SPPL2B: variants seen among roughly 807,000 people sequenced by gnomAD.
The protein encoded by SPPL2B is signal peptide peptidase like 2B.
Under a neutral mutation model 59.7 loss-of-function variants are expected in SPPL2B, and 39 were observed. The ratio of observed to expected loss-of-function variants is 0.65; its 90% confidence interval spans 0.51 to 0.85. The LOEUF (loss-of-function observed/expected upper bound fraction) is 0.85, where lower values mean the gene tolerates loss of function less well. Ranked by LOEUF, SPPL2B falls within the 40% of genes least tolerant of loss-of-function variation. SPPL2B has a pLI of 0.00. For missense variants in SPPL2B, 865 were observed against 849.0 expected, an observed-to-expected ratio of 1.02 and a Z score of -0.23; for synonymous variants, 419 against 370.8, an observed-to-expected ratio of 1.13 and a Z score of -1.49.
chr19:2,335,598 CCT>C (rs564719066), intron 2 of SPPL2B, among the ~76,000 whole-genome samples: 47 of 150,902 alleles, frequency 3.1e-4, no homozygotes, highest in African/African-American at 9.8e-4. Context: ...CCACCACACC[CCT>C]CTGTCCCTGC....
chr19:2,350,365 TTC>T (rs145535076), intron 13 of SPPL2B, among the ~76,000 whole-genome samples: 68 of 135,850 alleles, frequency 5.0e-4, no homozygotes, highest in African/African-American at 1.4e-3. Flanking sequence ...CTTGATTCCG[TTC>T]TCTCTCTCCA....
At chr19:2,350,499 A>C (rs891234762) in intron 13 of SPPL2B, among the ~76,000 whole-genome samples, 1 of 139,338 alleles carries the variant, frequency 7.2e-6, no homozygotes, top group South Asian at 2.4e-4. Context: ...GCTTGATTCC[A>C]TTCTCTCTCT....
At chr19:2,352,905 G>GTCCCTGTCTCCGCCTCACCTCTGCC in intron 14 of SPPL2B, 41 bp from the exon 15 acceptor site, 1 of 1,608,716 alleles carries the variant, frequency 6.2e-7, no homozygotes. Context: ...CCTCCTCTGG[G>GTCCCTGTCTCCGCCTCACCTCTGCC]TCCCTGTCTC....
intron 2 of SPPL2B, 50 bp downstream of exon 2, chr19:2,334,771 C>T (rs377308845): frequency 1.5e-5 from 22 of 1,473,096 alleles, no homozygotes; most frequent in East Asian, 2.6e-5. Context: ...GCGGGGGCCC[C>T]GGGGCTCTAG....
intron 5 of SPPL2B, 86 bp from the exon 6 acceptor site, chr19:2,339,738 C>T: frequency 6.6e-7 from 1 of 1,505,762 alleles, no homozygotes; most frequent in South Asian, 1.2e-5. Context: ...GGTTTTCTGC[C>T]CCGTTCCCCC....
chr19:2,345,184 C>T (rs952244460), intron 12 of SPPL2B, 69 bp from the exon 13 acceptor site: 182 of 1,409,332 alleles, frequency 1.3e-4, no homozygotes, highest in Non-Finnish European at 1.7e-4. Context: ...GGTGCCCGCC[C>T]GCTCCCAGGA....
intron 7 of SPPL2B, 79 bp downstream of exon 7, chr19:2,340,251 C>G (rs1968947700): frequency 1.8e-6 from 2 of 1,137,518 alleles, no homozygotes; most frequent in African/African-American, 1.6e-5. Context: ...CCATAGCCCC[C>G]CATGGTGCAA....
At chr19:2,348,448 T>A (rs1238370802) in intron 13 of SPPL2B, among the ~76,000 whole-genome samples, 3 of 118,666 alleles carry the variant, frequency 2.5e-5, no homozygotes, top group Non-Finnish European at 5.2e-5. Flanking sequence ...CCACACACAC[T>A]CATGCGCTGT....
chr19:2,339,399 G>A lies in SPPL2B; in HGVS notation c.599+191G>A, dbSNP rs143746700. Among the ~76,000 whole-genome samples, 1,086 of 152,338 alleles carry A rather than the reference G, an allele frequency of 7.1e-3. 8 individuals are homozygous for A. The highest frequency in any genetic ancestry group is 0.017 in the Middle Eastern group (5 of 294). On this transcript the variant is annotated intron_variant, in intron 5 of 14. Transcript: ENST00000613503. ...CTCTTTTCCTGCCAGGGTGGGCTCC[G>A]GGCACCTGGTGGGTGTGTAGGGCTG...
intron 5 of SPPL2B, among the ~76,000 whole-genome samples, chr19:2,339,468 C>T (rs1968879887): frequency 6.6e-6 from 1 of 152,170 alleles, no homozygotes; most frequent in African/African-American, 2.4e-5. Flanking sequence ...AGGTGCAGGG[C>T]TGGGCAGGTG....
Position 2,340,974 on chromosome 19 carries a change from G to A in SPPL2B, c.916G>A (p.Ala306Thr). 1 of 1,604,780 alleles carries A rather than the reference G, an allele frequency of 6.2e-7. No homozygotes were observed. Among genetic ancestry groups the A allele is most frequent in the Non-Finnish European group, 8.5e-7 (1 of 1,179,590 alleles). ...GCTGCTCCTGGCGCTCTTCTGCGTG[G>A]CCGTCAGCGTGGTGTGGGGCGTCTT... ...RMLLLALFCV[A>T]VSVVWGVFRN... The change falls in exon 8 of 15, where the codon GCC becomes ACC. Residue 306 changes from alanine (A) to threonine (T), a missense_variant. By Grantham distance (58) the Ala-to-Thr change is moderately conservative. Coordinates refer to ENST00000613503, the MANE Select transcript of SPPL2B (RefSeq NM_152988.3).
Position 2,337,518 on chromosome 19 carries a change from A to C in SPPL2B, c.262A>C (p.Asn88His). 1 of 1,613,298 alleles carries C rather than the reference A, an allele frequency of 6.2e-7. No homozygotes were observed. The highest frequency in any genetic ancestry group is 8.5e-7 in the Non-Finnish European group (1 of 1,179,660). ...AADLPARGFS[N>H]QIPLVARGNC... ...CGACCTCCCCGCCCGTGGCTTCAGC[A>C]ACCAGATCCCGCTGGTGGCGCGGGG... The change falls in exon 3 of 15, where the codon AAC becomes CAC. Residue 88 changes from asparagine to histidine, a missense_variant. Transcript: ENST00000613503.
At chr19:2,344,487 G>C (rs373674062) in intron 11 of SPPL2B, 63 bp downstream of exon 11, 1 of 1,567,478 alleles carries the variant, frequency 6.4e-7, no homozygotes, top group African/African-American at 1.4e-5. Context: ...GGAGCGGATA[G>C]GGCTCGAGGC....
chr19:2,345,986 GTTCTT>G (rs1414672285), intron 13 of SPPL2B, among the ~76,000 whole-genome samples: 2 of 152,080 alleles, frequency 1.3e-5, no homozygotes, highest in African/African-American at 4.8e-5. Flanking sequence ...CCATTGTTCT[GTTCTT>G]TTCTTTTCCT....
Position 2,339,880 on chromosome 19 carries a change from T to C in SPPL2B, c.656T>C (p.Val219Ala). 6.3e-7 allele frequency: 1 copy of C among 1,597,880 alleles called. No individual in the cohort carries two copies. The highest frequency in any genetic ancestry group is 8.5e-7 in the Non-Finnish European group (1 of 1,172,344). ...DGPEKQEDEA[V>A]DVTPVMTCVF... ...CCCGAGAAGCAGGAGGACGAGGCGG[T>C]GGACGTGACGCCGGTGATGACCTGC... is the stretch of plus-strand genomic sequence containing the variant. Residue 219 changes from valine to alanine, a missense_variant, in exon 6 of 15, where the codon GTG becomes GCG. Coordinates refer to ENST00000613503, the MANE Select transcript of SPPL2B (RefSeq NM_152988.3).
rs1969996007 is a variant in SPPL2B at position 2,352,785 on chromosome 19, G to A, written c.1516-161G>A. ...ATGGACAGGGTCCTGGGTGCCCGTA[G>A]GTTATGGAGCCGGCCCCCTCCTTGG... is the stretch of plus-strand genomic sequence containing the variant. On this transcript the variant is annotated intron_variant, in intron 14 of 14. Coordinates refer to ENST00000613503, the MANE Select transcript of SPPL2B (RefSeq NM_152988.3). Among the ~76,000 whole-genome samples the A allele has an allele frequency of 4.6e-5, 7 of 152,192 alleles. No individual in the cohort carries two copies. In the South Asian group the frequency reaches 6.2e-4, roughly 13 times the overall value.
intron 9 of SPPL2B, among the ~76,000 whole-genome samples, chr19:2,343,508 C>T (rs867710696): frequency 2.6e-5 from 4 of 152,166 alleles, no homozygotes; most frequent in Non-Finnish European, 5.9e-5. Flanking sequence ...GGGCGGTTCC[C>T]GGCAGGGGCA....
Position 2,353,367 on chromosome 19 carries a change from T to C in SPPL2B, c.*158T>C. The C allele has an allele frequency of 1.1e-6, 1 of 949,766 alleles. No homozygotes were observed. The highest frequency in any genetic ancestry group is 1.7e-5 in the South Asian group (1 of 57,284). 58.8% of individuals were successfully genotyped at this position (949,766 alleles called of 1,614,324 possible). On this transcript the variant is annotated 3_prime_UTR_variant, in exon 15 of 15. Coordinates refer to ENST00000613503, the MANE Select transcript of SPPL2B (RefSeq NM_152988.3). Reference sequence around the variant, plus strand: ...TGGTGCTCATCCTTGCCGAGACCCCTGCGGTCTGTGCCCGCGCCCAGCCCA... The same window carrying C: ...TGGTGCTCATCCTTGCCGAGACCCCCGCGGTCTGTGCCCGCGCCCAGCCCA...
intron 13 of SPPL2B, among the ~76,000 whole-genome samples, chr19:2,350,092 G>GTT (rs1969819264): frequency 7.9e-6 from 1 of 127,178 alleles, no homozygotes; most frequent in South Asian, 2.5e-4. Flanking sequence ...GCTTGACTCT[G>GTT]TTCTCTCTCT....
Sources: allele counts gnomAD v4.1 joint callset (sites outside exome capture counted in the v4.1 genomes callset), GRCh38; gene constraint gnomAD v4.1.1; transcripts MANE v1.5; gene names NCBI Gene and HGNC (gene_info 2026-07-23, HGNC 2026-07-21).